Variants in SLC9A9 observed in about 807,000 individuals in gnomAD.
SLC9A9 encodes the protein sodium/hydrogen exchanger 9.
In SLC9A9, 62 loss-of-function variants were observed where a neutral mutation model predicts 77.8. The observed-to-expected ratio is 0.80, with a 90% confidence interval of 0.65 to 0.98. The LOEUF is 0.98. Ranked by LOEUF, SLC9A9 falls within the 50% of genes least tolerant of loss-of-function variation. SLC9A9 has a pLI of 0.00. For missense variants in SLC9A9, 775 were observed against 774.9 expected, an observed-to-expected ratio of 1.00 and a Z score of 0.00; for synonymous variants, 320 against 283.5, an observed-to-expected ratio of 1.13 and a Z score of -1.29.
intron 9 of SLC9A9, chr3:143,517,916 T>G (rs2036231307): frequency 6.6e-7 from 1 of 1,508,788 alleles, no homozygotes; most frequent in African/African-American, 1.4e-5. Flanking sequence ...CTCCGTTATC[T>G]CCGCATTTTC....
intron 9 of SLC9A9, among the ~76,000 whole-genome samples, chr3:143,548,554 C>T (rs745659710): frequency 2.0e-5 from 3 of 152,130 alleles, no homozygotes; most frequent in Non-Finnish European, 4.4e-5. Context: ...AACTCCAAGT[C>T]CAGGGAAATG....
At chr3:143,794,675 A>C (rs2008324147) in intron 4 of SLC9A9, among the ~76,000 whole-genome samples, 1 of 152,192 alleles carries the variant, frequency 6.6e-6, no homozygotes, top group Admixed American at 6.5e-5. Context: ...TACAAGACAA[A>C]AAAGAATGCA....
At chr3:143,812,661 C>T (rs1180300296) in intron 2 of SLC9A9, among the ~76,000 whole-genome samples, 2 of 152,160 alleles carry the variant, frequency 1.3e-5, no homozygotes, top group African/African-American at 2.4e-5. Flanking sequence ...ACTTCCTAGT[C>T]CCTAAAAATC....
chr3:143,552,555 A>G, intron 8 of SLC9A9, 105 bp from the exon 9 acceptor site: 1 of 892,438 alleles, frequency 1.1e-6, no homozygotes, highest in Non-Finnish European at 1.8e-6. Context: ...CAGTAGAGTT[A>G]AAACTGCTAG....
At chr3:143,751,359 C>T (rs2006710369) in intron 4 of SLC9A9, among the ~76,000 whole-genome samples, 1 of 152,144 alleles carries the variant, frequency 6.6e-6, no homozygotes, top group African/African-American at 2.4e-5. Flanking sequence ...GAATTTATTC[C>T]CCCCACTGCG....
chr3:143,537,596 A>C (rs922478295), intron 9 of SLC9A9, among the ~76,000 whole-genome samples: 1 of 152,192 alleles, frequency 6.6e-6, no homozygotes, highest in African/African-American at 2.4e-5. Flanking sequence ...AATTAGCAGG[A>C]AGGTACTTCA....
intron 10 of SLC9A9, among the ~76,000 whole-genome samples, chr3:143,494,863 A>T (rs2035806856): frequency 6.6e-6 from 1 of 152,210 alleles, no homozygotes. Context: ...GCATCATGCT[A>T]ATTTCATTTG....
At chr3:143,737,292 A>C (rs377132051) in intron 4 of SLC9A9, among the ~76,000 whole-genome samples, 86 of 152,308 alleles carry the variant, frequency 5.6e-4, no homozygotes, top group African/African-American at 1.9e-3. Flanking sequence ...TTCCAGGTAC[A>C]TTTAGTGTGC....
At position 143,835,867 on chromosome 3, in the gene SLC9A9, C is replaced by A. The variant is rs902445678; in HGVS notation, c.176-3646G>T. 3.9e-5 allele frequency among the ~76,000 whole-genome samples: 6 copies of A among 152,204 alleles called. No homozygotes were observed. In the East Asian group the frequency reaches 7.7e-4, roughly 20 times the overall value. ...CCAGTCCATGTGCAAACAGCCCTGGCCCCAGGTTGAGGTTCCTGCATACAC... is the reference window on the plus strand; with the variant it reads ...CCAGTCCATGTGCAAACAGCCCTGGACCCAGGTTGAGGTTCCTGCATACAC... On this transcript the variant is annotated intron_variant, in intron 1 of 15. Coordinates refer to ENST00000316549, the MANE Select transcript of SLC9A9 (RefSeq NM_173653.4).
intron 14 of SLC9A9, among the ~76,000 whole-genome samples, chr3:143,287,747 C>T (rs865857089): frequency 6.6e-6 from 1 of 152,188 alleles, no homozygotes; most frequent in African/African-American, 2.4e-5. Context: ...AGAATTGTTA[C>T]ACCTACAGAC....
intron 9 of SLC9A9, among the ~76,000 whole-genome samples, chr3:143,539,739 C>A (rs1388189950): frequency 2.0e-5 from 3 of 152,140 alleles, no homozygotes; most frequent in African/African-American, 7.2e-5. Context: ...ACCAGGCCAG[C>A]TGATCTCCTA....
chr3:143,404,464 T>C (rs1316820724), intron 12 of SLC9A9, among the ~76,000 whole-genome samples: 1 of 152,196 alleles, frequency 6.6e-6, no homozygotes, highest in Admixed American at 6.5e-5. Flanking sequence ...TTCTTTTACT[T>C]CTTTAAACAT....
chr3:143,669,857 T>C (rs1167014643), intron 5 of SLC9A9, among the ~76,000 whole-genome samples: 1 of 152,090 alleles, frequency 6.6e-6, no homozygotes, highest in Non-Finnish European at 1.5e-5. Context: ...TTAATTGGAG[T>C]TATTTATGCA....
At chr3:143,660,106 G>A (rs1030530979) in intron 5 of SLC9A9, among the ~76,000 whole-genome samples, 2 of 152,172 alleles carry the variant, frequency 1.3e-5, no homozygotes, top group African/African-American at 4.8e-5. Context: ...GCTGGTCTTG[G>A]TTATATCTTT....
intron 13 of SLC9A9, among the ~76,000 whole-genome samples, chr3:143,365,077 C>A (rs2032861338): frequency 6.6e-6 from 1 of 152,038 alleles, no homozygotes; most frequent in Non-Finnish European, 1.5e-5. Context: ...ACATATATAC[C>A]CTGGAATAAT....
chr3:143,778,831 G>C (rs1454023750), intron 4 of SLC9A9, among the ~76,000 whole-genome samples: 1 of 152,138 alleles, frequency 6.6e-6, no homozygotes, highest in African/African-American at 2.4e-5. Context: ...AAAGATTAGA[G>C]ACCCAGCTCC....
chr3:143,356,512 CTGA>C (rs2032589163), intron 14 of SLC9A9, among the ~76,000 whole-genome samples: 1 of 152,112 alleles, frequency 6.6e-6, no homozygotes, highest in Admixed American at 6.5e-5. Context: ...CAGGAAGAAG[CTGA>C]TGTTTTCTCC....
chr3:143,382,480 A>C (rs910334171), intron 12 of SLC9A9, among the ~76,000 whole-genome samples: 3 of 152,126 alleles, frequency 2.0e-5, no homozygotes, highest in African/African-American at 7.2e-5. Flanking sequence ...CCATTGACCA[A>C]AATGCCCTGG....
At chr3:143,648,684 T>TATATA (rs1476274212) in intron 6 of SLC9A9, among the ~76,000 whole-genome samples, 8 of 152,190 alleles carry the variant, frequency 5.3e-5, no homozygotes, top group African/African-American at 1.9e-4. Flanking sequence ...CTCATGTGCT[T>TATATA]CCAATGAAGC....
Sources: allele counts gnomAD v4.1 joint callset (sites outside exome capture counted in the v4.1 genomes callset), GRCh38; gene constraint gnomAD v4.1.1; transcripts MANE v1.5; gene names NCBI Gene and HGNC (gene_info 2026-07-23, HGNC 2026-07-21).